The following KIF21B variants were observed in gnomAD, a reference collection of about 807,000 sequenced individuals.
The protein encoded by KIF21B is kinesin family member 21B.
In KIF21B, 85 loss-of-function variants were observed where a neutral mutation model predicts 192.9. The ratio of observed to expected loss-of-function variants is 0.44; its 90% confidence interval spans 0.37 to 0.53. The LOEUF (loss-of-function observed/expected upper bound fraction) is 0.53, where lower values mean the gene tolerates loss of function less well. Among genes scored for constraint, KIF21B ranks in the 20% least tolerant of loss-of-function variants. The pLI is 0.00. For missense variants in KIF21B, 1,716 were observed against 2,194.8 expected (o/e 0.78, Z 4.36); for synonymous variants, 832 against 884.6 (o/e 0.94, Z 1.05).
chr1:201,023,666 A>T lies in KIF21B; in HGVS notation c.-283T>A, dbSNP rs1364685652. The T allele has an allele frequency of 6.6e-6, 1 of 150,778 alleles. No homozygotes were observed. The highest frequency in any genetic ancestry group is 2.4e-5 in the African/African-American group (1 of 41,188). The allele number at this position is 150,778 out of a possible 1,614,324, so 9.3% of individuals were successfully genotyped here. A position where few individuals can be genotyped will look rare whatever the true frequency, so the allele number is the denominator to read the frequency against. On this transcript the variant is annotated 5_prime_UTR_variant, in exon 1 of 35. Transcript: ENST00000461742. The surrounding 1 kb of genome is among the most constrained non-coding windows in gnomAD (Gnocchi z 5.9). Reference sequence around the variant, plus strand: ...CCCGCCGCTCCCTACGGCGCGGCACACGCGCACACACCTCCCACCCGGCAG... The same window carrying T: ...CCCGCCGCTCCCTACGGCGCGGCACTCGCGCACACACCTCCCACCCGGCAG...
rs780840244 is a variant in KIF21B, at chr1:201,003,704, T to C, written c.1094A>G (p.Asn365Ser). The change falls in exon 8 of 35, where the codon AAT becomes AGT. Residue 365 changes from asparagine to serine, a missense_variant. Asn to Ser is a conservative substitution (Grantham distance 46). This residue lies in a region of KIF21B where 1,087 missense variants were observed against 1,316.6 expected (regional missense o/e 0.83). Transcript: ENST00000461742. Reference sequence around the variant, plus strand: ...CTTGTTCTTGATGTTGCGGGCCCGATTGGCATATTTGAGTGTGTTGAGGGT... The same window carrying C: ...CTTGTTCTTGATGTTGCGGGCCCGACTGGCATATTTGAGTGTGTTGAGGGT... ...METLNTLKYA[N>S]RARNIKNKVV... 36 of 1,614,050 alleles carry C rather than the reference T, an allele frequency of 2.2e-5. No individual in the cohort carries two copies. The highest frequency in any genetic ancestry group is 4.5e-5 in the East Asian group (2 of 44,894).
At chr1:201,003,415 G>C in intron 8 of KIF21B, 171 bp downstream of exon 8, 1 of 674,736 alleles carries the variant, frequency 1.5e-6, no homozygotes, top group Non-Finnish European at 2.6e-6. Flanking sequence ...CTAATAGTAA[G>C]CAGCATGCCT....
At chr1:200,974,194 A>G in intron 34 of KIF21B, 1 of 1,552,364 alleles carries the variant, frequency 6.4e-7, no homozygotes, top group Non-Finnish European at 8.7e-7. Flanking sequence ...CCCGGCAGTC[A>G]CTGTGTGGGG....
At position 200,975,925 on chromosome 1, in the gene KIF21B, C is replaced by T. The variant is rs1655521614; in HGVS notation, c.4444-256G>A. 6.6e-6 allele frequency among the ~76,000 whole-genome samples: 1 copy of T among 152,108 alleles called. No homozygotes were observed. The highest frequency in any genetic ancestry group is 1.5e-5 in the Non-Finnish European group (1 of 68,006). On this transcript the variant is annotated intron_variant, in intron 32 of 34. Transcript: ENST00000461742. This position sits in a 1 kb window ranked among gnomAD's most constrained non-coding sequence, Gnocchi z 4.3. ...GGGCAGGGGTGGGAGGAGACCAACT[C>T]AAGTAATGCAGGGGTGAATCAGCTC...
At chr1:201,009,536 C>T (rs1436478299) in intron 1 of KIF21B, 48 bp from the exon 2 acceptor site, 3 of 1,548,730 alleles carry the variant, frequency 1.9e-6, no homozygotes, top group Admixed American at 3.5e-5. Flanking sequence ...TAGAAGGGGG[C>T]TGCCACAGGC....
chr1:200,980,862 G>C, intron 29 of KIF21B, 98 bp downstream of exon 29: 1 of 1,445,858 alleles, frequency 6.9e-7, no homozygotes, highest in East Asian at 2.5e-5. Context: ...ACTCCTGGGG[G>C]CTCTATGTTC....
In KIF21B at chr1:200,990,519, G is replaced by C; in HGVS notation, c.2835+57C>G. ...GGTCTGAAGAGCCAGAGAAGTTGGA[G>C]GTGTCAGAGGACAGGCAGAGGGGTG... is the stretch of plus-strand genomic sequence containing the variant. On this transcript the variant is annotated intron_variant, in intron 19 of 34. Coordinates refer to ENST00000461742, the MANE Select transcript of KIF21B (RefSeq NM_001252102.2). This position sits in a 1 kb window ranked among gnomAD's most constrained non-coding sequence, Gnocchi z 5.4. 3.2e-6 allele frequency: 5 copies of C among 1,585,878 alleles called. No individual in the cohort carries two copies. Among genetic ancestry groups the C allele is most frequent in the Non-Finnish European group, 4.3e-6 (5 of 1,161,632 alleles).
chr1:200,996,195 C>A lies in KIF21B; in HGVS notation c.2277+1G>T. ...CCACTCCTCACACCCTCGGCCCCTA[C>A]CTTGGCCTTCTTCATCTCAGCCACC... On this transcript the variant is annotated splice_donor_variant, in intron 15 of 34. Transcript: ENST00000461742. LOFTEE classifies it high-confidence loss of function. 1 of 1,612,796 alleles carries A rather than the reference C, an allele frequency of 6.2e-7. No homozygotes were observed. Among genetic ancestry groups the A allele is most frequent in the Non-Finnish European group, 8.5e-7 (1 of 1,180,002 alleles).
intron 22 of KIF21B, 110 bp from the exon 23 acceptor site, chr1:200,988,654 T>A: frequency 6.9e-7 from 1 of 1,458,206 alleles, no homozygotes; most frequent in Non-Finnish European, 9.3e-7. Flanking sequence ...AGACCAGGGC[T>A]CCTGGTGGGG....
chr1:200,974,210 G>A (rs760691928), intron 34 of KIF21B: 1 of 1,535,048 alleles, frequency 6.5e-7, no homozygotes, highest in Admixed American at 2.1e-5. Context: ...TGGGGAGAGA[G>A]GCGAGGACAG....
intron 17 of KIF21B, 88 bp from the exon 18 acceptor site, chr1:200,991,237 G>A: frequency 3.0e-6 from 3 of 1,013,274 alleles, no homozygotes; most frequent in Non-Finnish European, 4.5e-6. Flanking sequence ...CCGGGCAGCA[G>A]GAACACAGAG....
intron 1 of KIF21B, among the ~76,000 whole-genome samples, chr1:201,012,081 G>C (rs1341716128): frequency 1.3e-5 from 2 of 152,234 alleles, no homozygotes; most frequent in African/African-American, 4.8e-5. Context: ...CAGGGTTTTA[G>C]GGTCCAGGAG....
Position 200,999,445 on chromosome 1 carries a change from T to C in KIF21B, c.1789A>G (p.Ser597Gly), listed in dbSNP as rs1053323751. The change falls in exon 13 of 35, where the codon AGT becomes GGT. Residue 597 changes from serine to glycine, a missense_variant. Coordinates refer to ENST00000461742, the MANE Select transcript of KIF21B (RefSeq NM_001252102.2). This position sits in a 1 kb window ranked among gnomAD's most constrained non-coding sequence, Gnocchi z 4.7. Reference sequence around the variant, plus strand: ...CGCCCTTCCTCCTCCTCACAGCCACTCTCGTCTCGCTCTTCCTCCTCCTGG... The same window carrying C: ...CGCCCTTCCTCCTCCTCACAGCCACCCTCGTCTCGCTCTTCCTCCTCCTGG... Reference protein sequence around the residue: ...AEEEEEERDESGCEEEEGRED... With the variant: ...AEEEEEERDEGGCEEEEGRED... The C allele has an allele frequency of 5.6e-6, 9 of 1,613,676 alleles. No homozygotes were observed. Among genetic ancestry groups the C allele is most frequent in the Non-Finnish European group, 7.6e-6 (9 of 1,179,908 alleles).
chr1:201,018,842 C>T (rs545488497), intron 1 of KIF21B, among the ~76,000 whole-genome samples: 1 of 152,318 alleles, frequency 6.6e-6, no homozygotes, highest in South Asian at 2.1e-4. Flanking sequence ...ATATATTAAT[C>T]AAAGGACTGG....
At chr1:201,020,808 T>TACACACAC (rs60686711) in intron 1 of KIF21B, among the ~76,000 whole-genome samples, 3,512 of 142,838 alleles carry the variant, frequency 0.025, 127 homozygotes, top group African/African-American at 0.077. Flanking sequence ...CTCTCTCCTC[T>TACACACAC]ACACACACAC....
At chr1:200,993,667 T>G (rs10920084) in intron 15 of KIF21B, among the ~76,000 whole-genome samples, 50,234 of 151,510 alleles carry the variant, frequency 0.33, 8,573 homozygotes, top group African/African-American at 0.41. Context: ...GGAGGATTAC[T>G]TAAGCCCAGG....
At position 200,990,534 on chromosome 1, in the gene KIF21B, G is replaced by A. The variant is rs563415028; in HGVS notation, c.2835+42C>T. On this transcript the variant is annotated intron_variant, in intron 19 of 34. Transcript: ENST00000461742. This position sits in a 1 kb window ranked among gnomAD's most constrained non-coding sequence, Gnocchi z 5.4. ...AGAAGTTGGAGGTGTCAGAGGACAG[G>A]CAGAGGGGTGGAATGGAAGAGAAGG... 2.5e-6 allele frequency: 4 copies of A among 1,603,484 alleles called. No individual in the cohort carries two copies. Among genetic ancestry groups the A allele is most frequent in the Non-Finnish European group, 3.4e-6 (4 of 1,173,826 alleles).
chr1:201,021,356 G>C (rs1658813990), intron 1 of KIF21B, among the ~76,000 whole-genome samples: 1 of 152,206 alleles, frequency 6.6e-6, no homozygotes, highest in Non-Finnish European at 1.5e-5. Context: ...GGAGTGGGCG[G>C]GGCCCTTACC....
In KIF21B at chr1:201,009,323, G is replaced by A; in HGVS notation, c.207C>T (p.Ser69=). The change falls in exon 2 of 35, where the codon AGC becomes AGT. Residue 69 remains serine (S), a synonymous_variant. Transcript: ENST00000461742. ...CCTCGAAGCAGCCCTCGATGAGCTTGCTCACACAGGTGGAATAGATCTGTT... is the reference window on the plus strand; with the variant it reads ...CCTCGAAGCAGCCCTCGATGAGCTTACTCACACAGGTGGAATAGATCTGTT... ...WQEQIYSTCV[S]KLIEGCFEGY... is the part of the protein sequence containing the mutation. 6.2e-7 allele frequency: 1 copy of A among 1,614,284 alleles called. No individual in the cohort carries two copies. The highest frequency in any genetic ancestry group is 8.5e-7 in the Non-Finnish European group (1 of 1,180,054).
Sources: gnomAD v4.1 joint callset for allele counts (sites outside exome capture counted in the v4.1 genomes callset) on GRCh38, gnomAD v4.1.1 for gene constraint, gnomAD v4.1.1 regional missense constraint, Gnocchi (gnomAD v3.1) non-coding constraint, MANE v1.5 for transcripts, NCBI Gene and HGNC (gene_info 2026-07-23, HGNC 2026-07-21) for gene names.